The following PIK3CD variants were observed in gnomAD, a reference collection of about 807,000 sequenced individuals.
PIK3CD encodes the protein phosphatidylinositol-4,5-bisphosphate 3-kinase catalytic subunit delta.
In PIK3CD, 20 loss-of-function variants were observed where a neutral mutation model predicts 122.9. The ratio of observed to expected loss-of-function variants is 0.16; its 90% confidence interval spans 0.11 to 0.24. The LOEUF (loss-of-function observed/expected upper bound fraction) is 0.24. PIK3CD is among the 10% of genes least tolerant of loss of function. PIK3CD has a pLI of 1.00. For missense variants in PIK3CD, 787 were observed against 1,406.3 expected (o/e 0.56, Z 7.04); for synonymous variants, 596 against 593.4 (o/e 1.00, Z -0.06).
chr1:9,717,480 C>T lies in PIK3CD; in HGVS notation c.931-57C>T. 1 of 1,554,750 alleles carries T rather than the reference C, an allele frequency of 6.4e-7. No individual in the cohort carries two copies. The highest frequency in any genetic ancestry group is 8.9e-7 in the Non-Finnish European group (1 of 1,126,666). The stretch of plus-strand genomic sequence containing the variant: ...AGTGGTCACGGGCCTCACCATAGGC[C>T]AGGGAGACAAGCTGCACTTTGAGCC... On this transcript the variant is annotated intron_variant, in intron 7 of 23. Transcript: ENST00000377346. The surrounding 1 kb of genome is among the most constrained non-coding windows in gnomAD (Gnocchi z 5.4).
the PIK3CD span, among the ~76,000 whole-genome samples, chr1:9,640,414 T>C: frequency 2.6e-5 from 4 of 151,766 alleles, no homozygotes; most frequent in African/African-American, 4.8e-5. Flanking sequence ...ACCTCATCTC[T>C]CCTAAAAATA....
In PIK3CD at chr1:9,721,177, G is replaced by C; in HGVS notation, c.1740G>C (p.Leu580=). ...SWPELPVLSA[L]ELLDFSFPDC... The stretch of plus-strand genomic sequence containing the variant: ...CGGAGCTGCCCGTCCTGAGCGCCCT[G>C]GAGCTGCTAGACTTCAGCTTCCCCG... The change falls in exon 14 of 24, where the codon CTG becomes CTC. Residue 580 remains leucine (L), a synonymous_variant. Coordinates refer to ENST00000377346, the MANE Select transcript of PIK3CD (RefSeq NM_005026.5). 1 of 1,613,280 alleles carries C rather than the reference G, an allele frequency of 6.2e-7. No homozygotes were observed.
rs1648155092 is a variant in PIK3CD at position 9,719,629 on chromosome 1, C to G, written c.1243-292C>G. Among the ~76,000 whole-genome samples the G allele has an allele frequency of 6.6e-6, 1 of 151,256 alleles. No homozygotes were observed. Reference sequence around the variant, plus strand: ...TGAGCCGAGATCGTGCCACTGCACTCCAGCCTGGGTGACAGAGCAAGACTC... The same window carrying G: ...TGAGCCGAGATCGTGCCACTGCACTGCAGCCTGGGTGACAGAGCAAGACTC... On this transcript the variant is annotated intron_variant, in intron 9 of 23. Coordinates refer to ENST00000377346, the MANE Select transcript of PIK3CD (RefSeq NM_005026.5). This position sits in a 1 kb window ranked among gnomAD's most constrained non-coding sequence, Gnocchi z 5.5.
the PIK3CD span, among the ~76,000 whole-genome samples, chr1:9,636,359 A>G: frequency 3.9e-5 from 6 of 152,030 alleles, no homozygotes; most frequent in African/African-American, 1.4e-4. Flanking sequence ...ATACCTGGAT[A>G]ATTTTTGTAT....
chr1:9,705,154 T>C (rs1388978924), intron 2 of PIK3CD, among the ~76,000 whole-genome samples: 2 of 152,118 alleles, frequency 1.3e-5, no homozygotes, highest in Non-Finnish European at 2.9e-5. Context: ...GATTGATAAT[T>C]TGACCGCATC....
chr1:9,705,068 A>T (rs1229493369), intron 2 of PIK3CD, among the ~76,000 whole-genome samples: 2 of 152,212 alleles, frequency 1.3e-5, no homozygotes, highest in African/African-American at 4.8e-5. Context: ...ACAAGTCTTT[A>T]AAATCCAAGA....
rs1266706166 is a variant in PIK3CD, at chr1:9,726,932, A to C, written c.3021A>C (p.Thr1007=). ...AGGACTCCCTGGCACTGGGGAAAACAGAGGAGGAGGCACTGAAGCACTTCC... is the reference window on the plus strand; with the variant it reads ...AGGACTCCCTGGCACTGGGGAAAACCGAGGAGGAGGCACTGAAGCACTTCC... ...YLKDSLALGK[T]EEEALKHFRV... The change falls in exon 24 of 24, where the codon ACA becomes ACC. Residue 1007 remains threonine (T), a synonymous_variant. Coordinates refer to ENST00000377346, the MANE Select transcript of PIK3CD (RefSeq NM_005026.5). 1 of 1,613,888 alleles carries C rather than the reference A, an allele frequency of 6.2e-7. No individual in the cohort carries two copies. Among genetic ancestry groups the C allele is most frequent in the Non-Finnish European group, 8.5e-7 (1 of 1,179,866 alleles).
intron 2 of PIK3CD, among the ~76,000 whole-genome samples, chr1:9,705,362 T>TCCCA (rs1646793259): frequency 6.7e-6 from 1 of 148,360 alleles, no homozygotes; most frequent in Non-Finnish European, 1.5e-5. Context: ...AAGGGTGTAG[T>TCCCA]GGCATACGCC....
rs543815776 is a variant in PIK3CD at position 9,723,688 on chromosome 1, GCTGT to G, written c.2595-276_2595-273del. On this transcript the variant is annotated intron_variant, in intron 20 of 23. Coordinates refer to ENST00000377346, the MANE Select transcript of PIK3CD (RefSeq NM_005026.5). The surrounding 1 kb of genome is among the most constrained non-coding windows in gnomAD (Gnocchi z 4.9). ...TCTCATTCCTGGGGCCTTGGCGCCAGCTGTCTGTGATGCCTCTCTGCATGTGGTC... is the reference window on the plus strand; with the variant it reads ...TCTCATTCCTGGGGCCTTGGCGCCAGCTGTGATGCCTCTCTGCATGTGGTC... Among the ~76,000 whole-genome samples, 6 of 152,178 alleles carry G rather than the reference GCTGT, an allele frequency of 3.9e-5. No homozygotes were observed. Among genetic ancestry groups the G allele is most frequent in the Non-Finnish European group, 7.3e-5 (5 of 68,040 alleles).
chr1:9,639,797 G>A, the PIK3CD span, among the ~76,000 whole-genome samples: 4 of 152,062 alleles, frequency 2.6e-5, no homozygotes, highest in Admixed American at 6.6e-5. Flanking sequence ...TGGCGCGATC[G>A]TGGCTCACTG....
intron 1 of PIK3CD, chr1:9,653,591 C>A: frequency 2.7e-6 from 1 of 377,314 alleles, no homozygotes; most frequent in South Asian, 2.0e-5. Context: ...CTTGAGACTC[C>A]TCTGTAACAC....
rs182946899 is a variant in PIK3CD at position 9,688,126 on chromosome 1, C to T, written c.-137-3341C>T. 1.9e-3 allele frequency: 291 copies of T among 152,448 alleles called. 1 individual carries two copies. Among genetic ancestry groups the T allele is most frequent in the Middle Eastern group, 0.01 (3 of 298 alleles). 9.4% of individuals were successfully genotyped at this position (152,448 alleles called of 1,614,324 possible). A position where few individuals can be genotyped will look rare whatever the true frequency, so the allele number is the denominator to read the frequency against. Reference sequence around the variant, plus strand: ...GGCAGTGTTTTCTCCTTGCCGTCTTCTCAGGCACGAGGAAGGCTCCTGGAG... The same window carrying T: ...GGCAGTGTTTTCTCCTTGCCGTCTTTTCAGGCACGAGGAAGGCTCCTGGAG... On this transcript the variant is annotated intron_variant, in intron 1 of 23. Coordinates refer to ENST00000377346, the MANE Select transcript of PIK3CD (RefSeq NM_005026.5).
At chr1:9,644,373 G>A in the PIK3CD span, among the ~76,000 whole-genome samples, 4 of 151,938 alleles carry the variant, frequency 2.6e-5, no homozygotes, top group Non-Finnish European at 5.9e-5. Context: ...AATTAGCTGG[G>A]CGTGGTGGTG....
In PIK3CD at chr1:9,707,734, G is replaced by A. The variant is rs1020851745; in HGVS notation, c.-32-2690G>A. ...TTACACAATGAAATATTGTGCAAGA[G>A]ATAAAACGAATGAACTAAAGCCATG... On this transcript the variant is annotated intron_variant, in intron 2 of 23. Transcript: ENST00000377346. Among the ~76,000 whole-genome samples the A allele has an allele frequency of 7.2e-5, 11 of 151,878 alleles. No individual in the cohort carries two copies. The South Asian group carries it at 1.0e-3, about 14-fold the overall frequency.
Position 9,719,314 on chromosome 1 carries a change from G to C in PIK3CD, c.1242+399G>C, listed in dbSNP as rs1309181162. 2.0e-5 allele frequency among the ~76,000 whole-genome samples: 3 copies of C among 152,186 alleles called. No homozygotes were observed. The highest frequency in any genetic ancestry group is 7.2e-5 in the African/African-American group (3 of 41,448). Reference sequence around the variant, plus strand: ...GCTCCCCTCGGAGCTGACTCACTCCGAGCTGAGCTGGGCTGGCCTCTGGGG... The same window carrying C: ...GCTCCCCTCGGAGCTGACTCACTCCCAGCTGAGCTGGGCTGGCCTCTGGGG... On this transcript the variant is annotated intron_variant, in intron 9 of 23. Coordinates refer to ENST00000377346, the MANE Select transcript of PIK3CD (RefSeq NM_005026.5). The surrounding 1 kb of genome is among the most constrained non-coding windows in gnomAD (Gnocchi z 5.5).
Position 9,724,688 on chromosome 1 carries a change from C to T in PIK3CD, c.2865-116C>T. The T allele has an allele frequency of 1.5e-6, 2 of 1,365,890 alleles. No individual in the cohort carries two copies. Among genetic ancestry groups the T allele is most frequent in the Non-Finnish European group, 2.1e-6 (2 of 957,618 alleles). The allele number at this position is 1,365,890 out of a possible 1,614,324, so 84.6% of individuals were successfully genotyped here. A position where few individuals can be genotyped will look rare whatever the true frequency, so the allele number is the denominator to read the frequency against. ...CAGAACTGGAGGCCTTGTGTCCACC[C>T]ATTATCAGGGCAAGGGCAGGTGTCC... On this transcript the variant is annotated intron_variant, in intron 22 of 23. Transcript: ENST00000377346. The surrounding 1 kb of genome is among the most constrained non-coding windows in gnomAD (Gnocchi z 7.3).
intron 2 of PIK3CD, among the ~76,000 whole-genome samples, chr1:9,705,674 C>G (rs1473738272): frequency 2.0e-5 from 3 of 151,970 alleles, no homozygotes; most frequent in Non-Finnish European, 4.4e-5. Flanking sequence ...ATTAAGTAAC[C>G]CCACAGGAAA....
At chr1:9,699,627 A>C (rs1570288597) in intron 2 of PIK3CD, among the ~76,000 whole-genome samples, 3 of 144,850 alleles carry the variant, frequency 2.1e-5, no homozygotes, top group African/African-American at 2.6e-5. Flanking sequence ...ATGGAGTTTC[A>C]CTCTTATTGT....
At chr1:9,661,269 G>A (rs1416548587) in intron 1 of PIK3CD, among the ~76,000 whole-genome samples, 1 of 152,006 alleles carries the variant, frequency 6.6e-6, no homozygotes, top group African/African-American at 2.4e-5. Context: ...TAGTAGAGAT[G>A]GGGTTTCATC....
Sources: allele counts gnomAD v4.1 joint callset (sites outside exome capture counted in the v4.1 genomes callset), GRCh38; gene constraint gnomAD v4.1.1; non-coding constraint Gnocchi (gnomAD v3.1); transcripts MANE v1.5; gene names NCBI Gene and HGNC (gene_info 2026-07-23, HGNC 2026-07-21).